The following SNTB2 variants were observed in gnomAD, a reference collection of about 807,000 sequenced individuals.
The protein encoded by SNTB2 is syntrophin beta 2.
A neutral mutation model predicts 46.2 loss-of-function variants in SNTB2; 34 were observed. That is an observed-to-expected ratio of 0.74 (90% CI 0.56 to 0.98). The LOEUF is 0.98. Among genes scored for constraint, SNTB2 ranks in the 50% least tolerant of loss-of-function variants. The pLI is 0.00. For missense variants in SNTB2, 603 were observed against 731.4 expected, an observed-to-expected ratio of 0.82 and a Z score of 2.02; for synonymous variants, 290 against 312.6, an observed-to-expected ratio of 0.93 and a Z score of 0.76.
intron 1 of SNTB2, among the ~76,000 whole-genome samples, chr16:69,196,231 C>G (rs1363368302): frequency 6.6e-6 from 1 of 151,898 alleles, no homozygotes; most frequent in Non-Finnish European, 1.5e-5. Context: ...GGAGCAAGAC[C>G]CTGTCTCAAA....
At chr16:69,253,385 C>T (rs191218073) in intron 2 of SNTB2, among the ~76,000 whole-genome samples, 2 of 151,694 alleles carry the variant, frequency 1.3e-5, no homozygotes, top group East Asian at 3.9e-4. Flanking sequence ...CGTGGTGCCT[C>T]ACACCTGTAA....
intron 3 of SNTB2, among the ~76,000 whole-genome samples, chr16:69,263,829 G>T (rs1964859221): frequency 6.6e-6 from 1 of 151,730 alleles, no homozygotes; most frequent in Non-Finnish European, 1.5e-5. Flanking sequence ...TGTATGCCAA[G>T]ACTTTTTTAT....
In SNTB2 at chr16:69,280,593, A is replaced by ACCC. The variant is rs542297558; in HGVS notation, c.1149-3451_1149-3449dup. Among the ~76,000 whole-genome samples, 11 of 98,194 alleles carry ACCC rather than the reference A, an allele frequency of 1.1e-4. No homozygotes were observed. The South Asian group carries it at 3.4e-3, about 30-fold the overall frequency. The allele number at this position is 98,194 out of a possible 152,430, so 64.4% of individuals were successfully genotyped here. A position where few individuals can be genotyped will look rare whatever the true frequency, so the allele number is the denominator to read the frequency against. The stretch of plus-strand genomic sequence containing the variant: ...GGCGGCTGGCCGGGCGGGGGGCTGA[A>ACCC]CCCCCCACCTCCCTCCCGGACGGGG... On this transcript the variant is annotated intron_variant, in intron 4 of 6. Transcript: ENST00000336278.
At chr16:69,192,480 ACTGT>A (rs1964064755) in intron 1 of SNTB2, among the ~76,000 whole-genome samples, 1 of 152,170 alleles carries the variant, frequency 6.6e-6, no homozygotes, top group Admixed American at 6.5e-5. Flanking sequence ...AAGCCATGTA[ACTGT>A]CTGCTGTCTC....
chr16:69,213,381 C>T (rs1417448423), intron 1 of SNTB2, among the ~76,000 whole-genome samples: 1 of 152,146 alleles, frequency 6.6e-6, no homozygotes, highest in Non-Finnish European at 1.5e-5. Context: ...AATGCTTACT[C>T]AGTGGGTTGA....
chr16:69,278,044 C>T (rs574494763), intron 4 of SNTB2, among the ~76,000 whole-genome samples: 22 of 152,202 alleles, frequency 1.4e-4, no homozygotes, highest in Admixed American at 9.2e-4. Context: ...GAGCCAGGCA[C>T]GGCGGCACGC....
chr16:69,270,711 A>T (rs1002031506), intron 4 of SNTB2, among the ~76,000 whole-genome samples: 2 of 152,216 alleles, frequency 1.3e-5, no homozygotes, highest in Non-Finnish European at 2.9e-5. Context: ...ATATTCTTCA[A>T]CTTCTCTTTC....
At chr16:69,226,558 A>G (rs942800521) in intron 1 of SNTB2, among the ~76,000 whole-genome samples, 16 of 152,130 alleles carry the variant, frequency 1.1e-4, no homozygotes, top group Non-Finnish European at 1.9e-4. Context: ...CTCTGAGACA[A>G]GGTCTCCCAC....
rs1597189875 is a variant in SNTB2 at position 69,258,850 on chromosome 16, T to G, written c.795-1200T>G. The stretch of plus-strand genomic sequence containing the variant: ...CTGGTCTCAAACTCCTGACCTGAGG[T>G]GATCTGCCCATCTCAGCCTCCCAAA... On this transcript the variant is annotated intron_variant, in intron 2 of 6. Coordinates refer to ENST00000336278, the MANE Select transcript of SNTB2 (RefSeq NM_006750.4). Among the ~76,000 whole-genome samples, 4 of 152,006 alleles carry G rather than the reference T, an allele frequency of 2.6e-5. 1 individual carries two copies. The South Asian group carries it at 8.3e-4, about 32-fold the overall frequency.
chr16:69,302,448 G>C lies in SNTB2; in HGVS notation c.*1524G>C, dbSNP rs1965283304. ...AGTTCTTGTTTGCTTGATTGATCAA[G>C]AGTGCCACGGAAGAATGTGAGCGCT... On this transcript the variant is annotated 3_prime_UTR_variant, in exon 7 of 7. Transcript: ENST00000336278. 6.6e-6 allele frequency: 1 copy of C among 152,280 alleles called. No homozygotes were observed. Among genetic ancestry groups the C allele is most frequent in the African/African-American group, 2.4e-5 (1 of 41,456 alleles). 9.4% of individuals were successfully genotyped at this position (152,280 alleles called of 1,614,324 possible).
chr16:69,246,379 A>G (rs1188762338), intron 2 of SNTB2, among the ~76,000 whole-genome samples: 1 of 151,656 alleles, frequency 6.6e-6, no homozygotes, highest in Non-Finnish European at 1.5e-5. Context: ...ATTTGCGTAT[A>G]TTGAACCAGC....
intron 2 of SNTB2, among the ~76,000 whole-genome samples, chr16:69,251,671 G>C (rs35250831): frequency 6.6e-6 from 1 of 151,716 alleles, no homozygotes; most frequent in Admixed American, 6.6e-5. Flanking sequence ...CCAGCTACTC[G>C]GGAGGCTGAG....
chr16:69,214,584 T>C (rs1166699081), intron 1 of SNTB2, among the ~76,000 whole-genome samples: 2 of 152,060 alleles, frequency 1.3e-5, no homozygotes, highest in African/African-American at 4.8e-5. Context: ...TGGATTGCAG[T>C]GGCACGATCT....
chr16:69,225,840 T>C (rs1436955727), intron 1 of SNTB2, among the ~76,000 whole-genome samples: 1 of 152,136 alleles, frequency 6.6e-6, no homozygotes, highest in Admixed American at 6.5e-5. Flanking sequence ...TGATCTCGGC[T>C]CAGTGCAGCC....
chr16:69,243,056 G>A lies in SNTB2; in HGVS notation c.581-2546G>A, dbSNP rs115979068. Among the ~76,000 whole-genome samples, 724 of 150,954 alleles carry A rather than the reference G, an allele frequency of 4.8e-3. 4 individuals carry two copies. Among genetic ancestry groups the A allele is most frequent in the African/African-American group, 0.017 (706 of 41,194 alleles). On this transcript the variant is annotated intron_variant, in intron 1 of 6. Coordinates refer to ENST00000336278, the MANE Select transcript of SNTB2 (RefSeq NM_006750.4). ...AAAAAAAAAAAGGGATACATGAATG[G>A]AAGAAAGAAAATTAGCTTCAGCATC...
At chr16:69,259,497 A>C (rs1964814142) in intron 2 of SNTB2, among the ~76,000 whole-genome samples, 1 of 151,908 alleles carries the variant, frequency 6.6e-6, no homozygotes, top group African/African-American at 2.4e-5. Flanking sequence ...GGCCTCCCAA[A>C]GTGCTGAGAT....
Position 69,284,459 on chromosome 16 carries a change from T to TAAAA in SNTB2, c.1345+245_1345+248dup, listed in dbSNP as rs3087058. Among the ~76,000 whole-genome samples, 39 of 45,900 alleles carry TAAAA rather than the reference T, an allele frequency of 8.5e-4. 3 individuals are homozygous for TAAAA. Among genetic ancestry groups the TAAAA allele is most frequent in the African/African-American group, 1.9e-3 (22 of 11,780 alleles). The allele number at this position is 45,900 out of a possible 152,430, so 30.1% of individuals were successfully genotyped here. ...CAACATGGTGAAACCCCGTCTTTAC[T>TAAAA]AAAAAAAAAAAAAAAAAAAAAAAAA... On this transcript the variant is annotated intron_variant, in intron 5 of 6. Coordinates refer to ENST00000336278, the MANE Select transcript of SNTB2 (RefSeq NM_006750.4).
At chr16:69,238,709 A>G (rs943887072) in intron 1 of SNTB2, among the ~76,000 whole-genome samples, 1 of 152,106 alleles carries the variant, frequency 6.6e-6, no homozygotes, top group Non-Finnish European at 1.5e-5. Flanking sequence ...AAATCTTGAC[A>G]TTATCCTTGA....
intron 1 of SNTB2, among the ~76,000 whole-genome samples, chr16:69,190,678 C>T (rs1964040650): frequency 6.6e-6 from 1 of 152,168 alleles, no homozygotes; most frequent in Non-Finnish European, 1.5e-5. Context: ...GAGCTGCCAC[C>T]AGTAAAGACA....
Sources: allele counts gnomAD v4.1 joint callset (sites outside exome capture counted in the v4.1 genomes callset), GRCh38; gene constraint gnomAD v4.1.1; transcripts MANE v1.5; gene names NCBI Gene and HGNC (gene_info 2026-07-23, HGNC 2026-07-21).